Variants in MAGI1 observed in about 807,000 individuals in gnomAD.
MAGI1 encodes membrane-associated guanylate kinase, WW and PDZ domain-containing protein 1.
MAGI1 carries 58 observed loss-of-function variants against 139.9 expected under a neutral mutation model. That is an observed-to-expected ratio of 0.41 (90% confidence interval 0.34 to 0.52). The LOEUF (loss-of-function observed/expected upper bound fraction) is 0.52, where lower values mean the gene tolerates loss of function less well. Ranked by LOEUF, MAGI1 falls within the 20% of genes least tolerant of loss-of-function variation. The pLI is 0.12. For missense variants in MAGI1, 1,874 were observed against 1,901.6 expected, an observed-to-expected ratio of 0.99 and a Z score of 0.27; for synonymous variants, 812 against 737.9, an observed-to-expected ratio of 1.10 and a Z score of -1.63.
At chr3:65,675,672 G>A (rs936329808) in intron 1 of MAGI1, among the ~76,000 whole-genome samples, 1 of 152,032 alleles carries the variant, frequency 6.6e-6, no homozygotes, top group African/African-American at 2.4e-5. Flanking sequence ...GTGTCACAGC[G>A]GCACATGTAC....
chr3:65,544,018 G>A (rs916982755), intron 2 of MAGI1, among the ~76,000 whole-genome samples: 9 of 152,034 alleles, frequency 5.9e-5, no homozygotes, highest in African/African-American at 1.7e-4. Flanking sequence ...ATACTCATAT[G>A]ACATATGAGT....
chr3:65,524,792 ACT>A (rs1304431651), intron 2 of MAGI1, among the ~76,000 whole-genome samples: 1 of 152,000 alleles, frequency 6.6e-6, no homozygotes, highest in African/African-American at 2.4e-5. Context: ...TCGCATTCTA[ACT>A]CTCTCTCAGC....
intron 1 of MAGI1, among the ~76,000 whole-genome samples, chr3:65,955,160 A>T (rs1188244961): frequency 6.6e-6 from 1 of 152,086 alleles, no homozygotes; most frequent in Non-Finnish European, 1.5e-5. Context: ...GACAGGGAGG[A>T]GGGGGGAAGC....
chr3:65,444,984 A>G (rs1474144924), intron 7 of MAGI1, among the ~76,000 whole-genome samples: 2 of 152,328 alleles, frequency 1.3e-5, no homozygotes, highest in East Asian at 1.9e-4. Context: ...AGAATTTGCC[A>G]TTTGGTTCTA....
intron 2 of MAGI1, among the ~76,000 whole-genome samples, chr3:65,549,250 CCGGCG>C (rs972565675): frequency 4.6e-5 from 7 of 152,126 alleles, no homozygotes; most frequent in Admixed American, 4.6e-4. Flanking sequence ...CAGCCGCTCC[CCGGCG>C]CGGCCACTTC....
intron 8 of MAGI1, among the ~76,000 whole-genome samples, chr3:65,442,428 T>C (rs1034200679): frequency 1.3e-5 from 2 of 152,148 alleles, no homozygotes; most frequent in Non-Finnish European, 2.9e-5. Context: ...AATCAGATAC[T>C]CCTTGTAAAG....
At chr3:65,803,409 AAGAT>A (rs1474644847) in intron 1 of MAGI1, among the ~76,000 whole-genome samples, 2 of 152,182 alleles carry the variant, frequency 1.3e-5, no homozygotes, top group Non-Finnish European at 2.9e-5. Context: ...CTATAAATAA[AAGAT>A]AGACTTAAAA....
intron 1 of MAGI1, among the ~76,000 whole-genome samples, chr3:65,912,556 C>T (rs949994350): frequency 2.0e-5 from 3 of 152,216 alleles, no homozygotes; most frequent in East Asian, 1.9e-4. Context: ...TCAGGTCACA[C>T]GCAAAGTAGG....
chr3:65,852,596 C>T lies in MAGI1; in HGVS notation c.313+185400G>A, dbSNP rs542370555. 7.9e-4 allele frequency among the ~76,000 whole-genome samples: 120 copies of T among 151,720 alleles called. 1 individual carries two copies. Among genetic ancestry groups the T allele is most frequent in the African/African-American group, 2.8e-3 (117 of 41,394 alleles). On this transcript the variant is annotated intron_variant, in intron 1 of 22. Coordinates refer to ENST00000402939, the MANE Select transcript of MAGI1 (RefSeq NM_001033057.2). The stretch of plus-strand genomic sequence containing the variant: ...TCAGCTCACCGCAACCTCTGCCTCC[C>T]GGGTTCAAGTGATTGTCCTGCCTCA...
chr3:65,611,099 A>G (rs1346013873), intron 2 of MAGI1, among the ~76,000 whole-genome samples: 1 of 136,170 alleles, frequency 7.3e-6, no homozygotes, highest in Non-Finnish European at 1.5e-5. Flanking sequence ...CATATATAAT[A>G]TATAGTATAT....
intron 1 of MAGI1, among the ~76,000 whole-genome samples, chr3:65,711,823 G>A (rs1241604907): frequency 6.6e-6 from 1 of 152,160 alleles, no homozygotes; most frequent in African/African-American, 2.4e-5. Flanking sequence ...CTAGCCTCCA[G>A]AACTGAGAGA....
At chr3:65,705,933 A>T (rs1439298640) in intron 1 of MAGI1, among the ~76,000 whole-genome samples, 3 of 152,202 alleles carry the variant, frequency 2.0e-5, no homozygotes, top group Non-Finnish European at 4.4e-5. Context: ...CCTTATCTGC[A>T]GTATATTTCT....
At chr3:65,509,459 A>G (rs923819682) in intron 2 of MAGI1, among the ~76,000 whole-genome samples, 3 of 152,186 alleles carry the variant, frequency 2.0e-5, no homozygotes, top group African/African-American at 4.8e-5. Context: ...TACCGTGCGC[A>G]AGCCGAAGCA....
intron 1 of MAGI1, among the ~76,000 whole-genome samples, chr3:65,778,338 G>A (rs556307939): frequency 6.6e-6 from 1 of 151,304 alleles, no homozygotes; most frequent in Admixed American, 6.6e-5. Flanking sequence ...GCTGAGGCAG[G>A]AGAATCGCTT....
chr3:65,553,299 A>G (rs1337283883), intron 2 of MAGI1, among the ~76,000 whole-genome samples: 2 of 152,118 alleles, frequency 1.3e-5, no homozygotes, highest in African/African-American at 2.4e-5. Flanking sequence ...CCCAGAACTT[A>G]TATTCTCTGT....
intron 1 of MAGI1, among the ~76,000 whole-genome samples, chr3:65,679,811 A>AT (rs2087456208): frequency 6.6e-6 from 1 of 152,090 alleles, no homozygotes; most frequent in Non-Finnish European, 1.5e-5. Flanking sequence ...AATTATTTTT[A>AT]TTTTTCCTAT....
chr3:65,552,389 G>GA (rs916570887), intron 2 of MAGI1, among the ~76,000 whole-genome samples: 15 of 151,940 alleles, frequency 9.9e-5, no homozygotes, highest in African/African-American at 3.4e-4. Context: ...GTGATTTAGA[G>GA]AAAAAAGGTA....
intron 2 of MAGI1, among the ~76,000 whole-genome samples, chr3:65,524,502 T>A (rs2177686): frequency 0.32 from 48,411 of 152,086 alleles, 8,915 homozygotes; most frequent in East Asian, 0.66. Context: ...CTGTCTTTTG[T>A]CAAATTCCCA....
chr3:65,540,641 T>C lies in MAGI1; in HGVS notation c.431-47010A>G, dbSNP rs568488522. 6.6e-5 allele frequency among the ~76,000 whole-genome samples: 10 copies of C among 152,358 alleles called. No homozygotes were observed. The Middle Eastern group carries it at 0.01, about 155-fold the overall frequency. On this transcript the variant is annotated intron_variant, in intron 2 of 22. Transcript: ENST00000402939. ...TATCTATTTATTCAAAAACTATCTA[T>C]TGGACAGAGCATTTCACAAAGCTGT...
Sources: gnomAD v4.1 joint callset for allele counts (sites outside exome capture counted in the v4.1 genomes callset) on GRCh38, gnomAD v4.1.1 for gene constraint, MANE v1.5 for transcripts, NCBI Gene and HGNC (gene_info 2026-07-23, HGNC 2026-07-21) for gene names.